ITGB3BP: variants seen among roughly 807,000 people sequenced by gnomAD.
The protein encoded by ITGB3BP is centromere protein R.
ITGB3BP carries 27 observed loss-of-function variants against 29.1 expected under a neutral mutation model. That is an observed-to-expected ratio of 0.93 (90% CI 0.68 to 1.28). The LOEUF (loss-of-function observed/expected upper bound fraction) is 1.28, where lower values mean the gene tolerates loss of function less well. Ranked by LOEUF, ITGB3BP falls within the 50% of genes most tolerant of loss-of-function variation. The pLI is 0.00. For synonymous variants in ITGB3BP, 61 were observed against 61.4 expected, an observed-to-expected ratio of 0.99 and a Z score of 0.03; for missense variants, 192 against 200.2, an observed-to-expected ratio of 0.96 and a Z score of 0.25.
chr1:63,523,194 C>A lies in ITGB3BP; in HGVS notation c.-61G>T. The A allele has an allele frequency of 6.2e-7, 1 of 1,611,680 alleles. No individual in the cohort carries two copies. The highest frequency in any genetic ancestry group is 8.5e-7 in the Non-Finnish European group (1 of 1,179,006). ...AAACGAACCCAGCAACTTCCGAAAA[C>A]AGAAAATCCGCCAAAGGAAACGCCA... On this transcript the variant is annotated 5_prime_UTR_variant, in exon 1 of 9. Transcript: ENST00000271002.
chr1:63,517,110 C>G (rs1646349095), intron 1 of ITGB3BP, among the ~76,000 whole-genome samples: 1 of 151,600 alleles, frequency 6.6e-6, no homozygotes, highest in Non-Finnish European at 1.5e-5. Flanking sequence ...AAAGATAATA[C>G]CAAATACTAT....
At chr1:63,482,649 ATT>A (rs34619742) in intron 3 of ITGB3BP, among the ~76,000 whole-genome samples, 15 of 129,818 alleles carry the variant, frequency 1.2e-4, no homozygotes, top group African/African-American at 8.9e-5. Flanking sequence ...AACAATGTTA[ATT>A]TTTTTTTTTT....
At chr1:63,468,622 G>A (rs1645140492) in intron 4 of ITGB3BP, among the ~76,000 whole-genome samples, 1 of 151,836 alleles carries the variant, frequency 6.6e-6, no homozygotes, top group Non-Finnish European at 1.5e-5. Context: ...AGCACTTTGG[G>A]AGGCCGAGGC....
intron 3 of ITGB3BP, among the ~76,000 whole-genome samples, chr1:63,486,172 A>G (rs1338951442): frequency 6.6e-6 from 1 of 151,896 alleles, no homozygotes; most frequent in Non-Finnish European, 1.5e-5. Context: ...TTACAGATCT[A>G]TTGTCCAGTT....
chr1:63,498,271 C>T (rs183877242), intron 2 of ITGB3BP, among the ~76,000 whole-genome samples: 65 of 152,222 alleles, frequency 4.3e-4, no homozygotes, highest in African/African-American at 1.6e-3. Flanking sequence ...CTCAAGTGCA[C>T]ATAAAACATT....
chr1:63,452,885 A>G (rs1644881873), intron 7 of ITGB3BP, among the ~76,000 whole-genome samples: 1 of 152,160 alleles, frequency 6.6e-6, no homozygotes, highest in Non-Finnish European at 1.5e-5. Context: ...CTGGCTTATT[A>G]AAGGTTCTAA....
At chr1:63,456,329 G>A (rs1644936351) in intron 4 of ITGB3BP, among the ~76,000 whole-genome samples, 1 of 152,002 alleles carries the variant, frequency 6.6e-6, no homozygotes, top group African/African-American at 2.4e-5. Context: ...TGGAATTTTG[G>A]GTGTTTTTTT....
intron 1 of ITGB3BP, among the ~76,000 whole-genome samples, chr1:63,518,983 G>T (rs1376058104): frequency 3.9e-5 from 6 of 151,932 alleles, no homozygotes; most frequent in Non-Finnish European, 8.8e-5. Flanking sequence ...GAAGAATCTT[G>T]CAACATTATA....
At chr1:63,506,944 G>T (rs149311377) in intron 2 of ITGB3BP, among the ~76,000 whole-genome samples, 1 of 152,344 alleles carries the variant, frequency 6.6e-6, no homozygotes, top group African/African-American at 2.4e-5. Flanking sequence ...CATAGGCCAT[G>T]TGAGTATATA....
At chr1:63,448,210 A>G (rs529911885) in intron 7 of ITGB3BP, among the ~76,000 whole-genome samples, 68 of 144,536 alleles carry the variant, frequency 4.7e-4, no homozygotes, top group Admixed American at 1.5e-3. Context: ...GGATAGCATT[A>G]GGAGATATAC....
chr1:63,463,236 C>G (rs1018941379), intron 4 of ITGB3BP, among the ~76,000 whole-genome samples: 5 of 100,642 alleles, frequency 5.0e-5, no homozygotes, highest in Non-Finnish European at 7.4e-5. Context: ...GCAACAAGAG[C>G]GAAACTCTGT....
upstream of ITGB3BP, among the ~76,000 whole-genome samples, chr1:63,527,462 T>C (rs1387243202): frequency 1.3e-5 from 2 of 152,204 alleles, no homozygotes; most frequent in African/African-American, 4.8e-5. Context: ...CATTTTAAGG[T>C]CAGAGACAGC....
At chr1:63,515,081 C>T (rs1646285148) in intron 1 of ITGB3BP, among the ~76,000 whole-genome samples, 1 of 152,036 alleles carries the variant, frequency 6.6e-6, no homozygotes, top group African/African-American at 2.4e-5. Context: ...CGCGTCTTGC[C>T]TGAAATTTCA....
At chr1:63,466,317 A>C (rs1398002603) in intron 4 of ITGB3BP, among the ~76,000 whole-genome samples, 27 of 152,248 alleles carry the variant, frequency 1.8e-4, no homozygotes. Context: ...TCTCTCAGAA[A>C]CAGCAGTCAC....
chr1:63,518,868 CCT>C (rs1360100713), intron 1 of ITGB3BP, among the ~76,000 whole-genome samples: 2 of 151,996 alleles, frequency 1.3e-5, no homozygotes, highest in Non-Finnish European at 2.9e-5. Context: ...TTTAGGTATG[CCT>C]CTCTGCATTT....
chr1:63,515,218 G>GT (rs1312002178), intron 1 of ITGB3BP, among the ~76,000 whole-genome samples: 1 of 151,974 alleles, frequency 6.6e-6, no homozygotes. Flanking sequence ...AAGGTGTTTT[G>GT]TTTTTTTCCC....
intron 1 of ITGB3BP, among the ~76,000 whole-genome samples, chr1:63,509,276 T>C (rs1646147244): frequency 1.3e-5 from 2 of 152,260 alleles, no homozygotes; most frequent in Admixed American, 6.5e-5. Flanking sequence ...CTTTATTTCA[T>C]ACAGCTGTCT....
At chr1:63,489,857 A>G (rs1444166288) in intron 3 of ITGB3BP, among the ~76,000 whole-genome samples, 1 of 152,114 alleles carries the variant, frequency 6.6e-6, no homozygotes, top group African/African-American at 2.4e-5. Context: ...CATAATTTCT[A>G]TTTAATGGAT....
At chr1:63,482,439 A>C (rs1645454829) in intron 3 of ITGB3BP, among the ~76,000 whole-genome samples, 1 of 151,994 alleles carries the variant, frequency 6.6e-6, no homozygotes, top group African/African-American at 2.4e-5. Flanking sequence ...ACAGAGGTTC[A>C]AGTGATTTGT....
Sources: allele counts gnomAD v4.1 joint callset (sites outside exome capture counted in the v4.1 genomes callset), GRCh38; gene constraint gnomAD v4.1.1; transcripts MANE v1.5; gene names NCBI Gene and HGNC (gene_info 2026-07-23, HGNC 2026-07-21).